The following ARL2 variants were observed in gnomAD, a reference collection of about 807,000 sequenced individuals.
ARL2 encodes the protein ADP-ribosylation factor-like protein 2.
ARL2 carries 11 observed loss-of-function variants against 22.0 expected under a neutral mutation model. The ratio of observed to expected loss-of-function variants is 0.50; its 90% CI spans 0.31 to 0.83. The LOEUF (loss-of-function observed/expected upper bound fraction) is 0.83. Among genes scored for constraint, ARL2 ranks in the 40% least tolerant of loss-of-function variants. The probability of loss-of-function intolerance (pLI) is 0.04; values close to 1 mark genes in which losing one functional copy is unlikely to be tolerated. For missense variants in ARL2, 216 were observed against 243.2 expected (o/e 0.89, Z 0.74); for synonymous variants, 111 against 100.8 (o/e 1.10, Z -0.61).
In ARL2 at chr11:65,014,268, A is replaced by G; in HGVS notation, c.61A>G (p.Met21Val). The change falls in exon 1 of 5, where the codon ATG (methionine) becomes GTG (valine). Residue 21 changes from methionine to valine, a missense_variant. Met to Val is a conservative substitution (Grantham distance 21). Coordinates refer to ENST00000246747, the MANE Select transcript of ARL2 (RefSeq NM_001667.4). ...KQKERELRLLMLGLDNAGKTT... is the reference protein window; with the variant it reads ...KQKERELRLLVLGLDNAGKTT... ...GAAAGAGCGGGAGCTGCGACTGCTC[A>G]TGCTGTATCCTACCGGACGCCGGAA... 1 of 1,565,610 alleles carries G rather than the reference A, an allele frequency of 6.4e-7. No individual in the cohort carries two copies.
At chr11:65,015,543 A>G (rs1044008120) in intron 1 of ARL2, among the ~76,000 whole-genome samples, 1 of 152,104 alleles carries the variant, frequency 6.6e-6, no homozygotes, top group Non-Finnish European at 1.5e-5. Context: ...TCTTACCTTC[A>G]TGGAAATTCT....
intron 1 of ARL2, among the ~76,000 whole-genome samples, chr11:65,017,576 A>T (rs1404717315): frequency 6.6e-6 from 1 of 152,146 alleles, no homozygotes; most frequent in African/African-American, 2.4e-5. Flanking sequence ...GGAAACATGG[A>T]TGATGGCTTG....
intron 4 of ARL2, among the ~76,000 whole-genome samples, chr11:65,021,044 C>T (rs902053542): frequency 3.3e-5 from 5 of 152,206 alleles, no homozygotes; most frequent in African/African-American, 9.6e-5. Flanking sequence ...CACAGGCTAA[C>T]GGTAGCCAGC....
At chr11:65,019,063 G>A in intron 3 of ARL2, 2 of 760,500 alleles carry the variant, frequency 2.6e-6, no homozygotes, top group South Asian at 1.7e-5. Context: ...CCTGGCTCAA[G>A]AGTCTGACTC....
chr11:65,018,851 G>A lies in ARL2; in HGVS notation c.339+118G>A. 1 of 1,542,554 alleles carries A rather than the reference G, an allele frequency of 6.5e-7. No homozygotes were observed. On this transcript the variant is annotated intron_variant, in intron 3 of 4. Coordinates refer to ENST00000246747, the MANE Select transcript of ARL2 (RefSeq NM_001667.4). The surrounding 1 kb of genome is among the most constrained non-coding windows in gnomAD (Gnocchi z 4.2). ...AGAGGCAGGATCCCTTCCTTCTCTGGGCCCCCACCATGGGAGGCCCATGGT... is the reference window on the plus strand; with the variant it reads ...AGAGGCAGGATCCCTTCCTTCTCTGAGCCCCCACCATGGGAGGCCCATGGT...
Position 65,022,135 on chromosome 11 carries a change from G to A in ARL2, c.*280G>A. The stretch of plus-strand genomic sequence containing the variant: ...AGCTGCTACTGCTGCTACCGAGGCT[G>A]TGGGCCTCATCCTTCACTCAGTTGT... On this transcript the variant is annotated 3_prime_UTR_variant, in exon 5 of 5. Transcript: ENST00000246747. 2.1e-6 allele frequency: 1 copy of A among 471,414 alleles called. No individual in the cohort carries two copies. Among genetic ancestry groups the A allele is most frequent in the South Asian group, 2.7e-5 (1 of 36,834 alleles). The allele number at this position is 471,414 out of a possible 1,614,324, so 29.2% of individuals were successfully genotyped here. A position where few individuals can be genotyped will look rare whatever the true frequency, so the allele number is the denominator to read the frequency against.
chr11:65,014,216 C>T lies in ARL2; in HGVS notation c.9C>T (p.Leu3=). 1 of 1,573,686 alleles carries T rather than the reference C, an allele frequency of 6.4e-7. No homozygotes were observed. The highest frequency in any genetic ancestry group is 8.6e-7 in the Non-Finnish European group (1 of 1,163,724). The change falls in exon 1 of 5, where the codon CTC becomes CTT. Residue 3 remains leucine (L), a synonymous_variant. Transcript: ENST00000246747. ...AGGGGGCTCCGGGGACCATGGGGCT[C>T]CTGACCATTCTGAAGAAGATGAAGC... MG[L]LTILKKMKQK... is the part of the protein sequence containing the mutation.
Position 65,018,048 on chromosome 11 carries a change from CT to C in ARL2, c.66-312del, listed in dbSNP as rs147785512. Among the ~76,000 whole-genome samples the C allele has an allele frequency of 0.01, 1,538 of 152,294 alleles. 26 individuals are homozygous for C. The highest frequency in any genetic ancestry group is 0.035 in the African/African-American group (1,468 of 41,544). ...GCTAGCCGGGATCTGGCAGGGCCTTCTTTTCTCATTTGTTTGTACTTTATTG... is the reference window on the plus strand; with the variant it reads ...GCTAGCCGGGATCTGGCAGGGCCTTCTTTCTCATTTGTTTGTACTTTATTG... On this transcript the variant is annotated intron_variant, in intron 1 of 4. Coordinates refer to ENST00000246747, the MANE Select transcript of ARL2 (RefSeq NM_001667.4). This position sits in a 1 kb window ranked among gnomAD's most constrained non-coding sequence, Gnocchi z 4.2.
chr11:65,016,333 C>T (rs904466788), intron 1 of ARL2, among the ~76,000 whole-genome samples: 1 of 150,254 alleles, frequency 6.7e-6, no homozygotes, highest in African/African-American at 2.5e-5. Context: ...GACTAACTGG[C>T]GTGTTCAGAG....
rs952719671 is a variant in ARL2 at position 65,016,817 on chromosome 11, C to T, written c.66-1547C>T. On this transcript the variant is annotated intron_variant, in intron 1 of 4. Coordinates refer to ENST00000246747, the MANE Select transcript of ARL2 (RefSeq NM_001667.4). Reference sequence around the variant, plus strand: ...CTGGATGAGGTCACCCAGGGATGAGCGTGGCCAGAGAAGAGAACCCGGTTG... The same window carrying T: ...CTGGATGAGGTCACCCAGGGATGAGTGTGGCCAGAGAAGAGAACCCGGTTG... Among the ~76,000 whole-genome samples the T allele has an allele frequency of 7.2e-5, 11 of 152,006 alleles. No homozygotes were observed. The South Asian group carries it at 2.1e-3, about 29-fold the overall frequency.
Position 65,018,090 on chromosome 11 carries a change from G to C in ARL2, c.66-274G>C, listed in dbSNP as rs1053945294. Among the ~76,000 whole-genome samples the C allele has an allele frequency of 3.3e-5, 5 of 152,232 alleles. No individual in the cohort carries two copies. Among genetic ancestry groups the C allele is most frequent in the Admixed American group, 1.3e-4 (2 of 15,284 alleles). Reference sequence around the variant, plus strand: ...TACTTTATTGACTGTCTTCCCGCTAGAGTGTAAGCTTCCTAAGGGCAGGGC... The same window carrying C: ...TACTTTATTGACTGTCTTCCCGCTACAGTGTAAGCTTCCTAAGGGCAGGGC... On this transcript the variant is annotated intron_variant, in intron 1 of 4. Transcript: ENST00000246747. This position sits in a 1 kb window ranked among gnomAD's most constrained non-coding sequence, Gnocchi z 4.2.
Position 65,018,942 on chromosome 11 carries a change from C to G in ARL2, c.339+209C>G, listed in dbSNP as rs540686657. 3 of 1,520,602 alleles carry G rather than the reference C, an allele frequency of 2.0e-6. No homozygotes were observed. The Admixed American group carries it at 6.0e-5, about 30-fold the overall frequency. 94.2% of individuals were successfully genotyped at this position (1,520,602 alleles called of 1,614,324 possible). A position where few individuals can be genotyped will look rare whatever the true frequency, so the allele number is the denominator to read the frequency against. On this transcript the variant is annotated intron_variant, in intron 3 of 4. Coordinates refer to ENST00000246747, the MANE Select transcript of ARL2 (RefSeq NM_001667.4). This position sits in a 1 kb window ranked among gnomAD's most constrained non-coding sequence, Gnocchi z 4.2. Reference sequence around the variant, plus strand: ...ACGTCCCTGTGGTGTTACTACGTCACTACCCTGAGCATCAGTTTCTATGCC... The same window carrying G: ...ACGTCCCTGTGGTGTTACTACGTCAGTACCCTGAGCATCAGTTTCTATGCC...
In ARL2 at chr11:65,014,187, C is replaced by G. The variant is rs749136746; in HGVS notation, c.-21C>G. 9 of 1,549,090 alleles carry G rather than the reference C, an allele frequency of 5.8e-6. No individual in the cohort carries two copies. The highest frequency in any genetic ancestry group is 2.6e-5 in the East Asian group (1 of 38,050). ...CCCGGGACTGGGAAGAAACGGCGGCCGGGAGGGGGCTCCGGGGACCATGGG... is the reference window on the plus strand; with the variant it reads ...CCCGGGACTGGGAAGAAACGGCGGCGGGGAGGGGGCTCCGGGGACCATGGG... On this transcript the variant is annotated 5_prime_UTR_variant, in exon 1 of 5. Coordinates refer to ENST00000246747, the MANE Select transcript of ARL2 (RefSeq NM_001667.4).
At position 65,014,250 on chromosome 11, in the gene ARL2, C is replaced by T. The variant is rs1946219806; in HGVS notation, c.43C>T (p.Arg15Trp). Residue 15 changes from arginine to tryptophan, a missense_variant, in exon 1 of 5, where the codon CGG (arginine) becomes TGG (tryptophan). Arg to Trp is a moderately radical substitution (Grantham distance 101). Transcript: ENST00000246747. ...TILKKMKQKE[R>W]ELRLLMLGLD... ...TCTGAAGAAGATGAAGCAGAAAGAG[C>T]GGGAGCTGCGACTGCTCATGCTGTA... is the stretch of plus-strand genomic sequence containing the variant. The T allele has an allele frequency of 1.9e-6, 3 of 1,574,006 alleles. No individual in the cohort carries two copies. Among genetic ancestry groups the T allele is most frequent in the Non-Finnish European group, 2.6e-6 (3 of 1,163,820 alleles).
rs770331127 is a variant in ARL2 at position 65,018,780 on chromosome 11, C to CT, written c.339+49dup. 2 of 1,608,678 alleles carry CT rather than the reference C, an allele frequency of 1.2e-6. No homozygotes were observed. The highest frequency in any genetic ancestry group is 2.2e-5 in the South Asian group (2 of 90,674). ...TGTACATGTATGGACGTGTGGCTGC[C>CT]TTCTCAGCAGATGCCCAGAGGGGCC... On this transcript the variant is annotated intron_variant, in intron 3 of 4. Coordinates refer to ENST00000246747, the MANE Select transcript of ARL2 (RefSeq NM_001667.4). This position sits in a 1 kb window ranked among gnomAD's most constrained non-coding sequence, Gnocchi z 4.2.
chr11:65,020,917 T>C (rs1246250870), intron 4 of ARL2, among the ~76,000 whole-genome samples: 1 of 151,164 alleles, frequency 6.6e-6, no homozygotes, highest in African/African-American at 2.4e-5. Flanking sequence ...AAGAAAAGCA[T>C]TTATTAGCCT....
At chr11:65,017,072 G>C (rs1946265834) in intron 1 of ARL2, among the ~76,000 whole-genome samples, 1 of 152,126 alleles carries the variant, frequency 6.6e-6, no homozygotes, top group South Asian at 2.1e-4. Flanking sequence ...ATGGGAGTGT[G>C]TTCTTGAAAG....
rs532902659 is a variant in ARL2, at chr11:65,021,992, C to T, written c.*137C>T. 1.4e-5 allele frequency: 18 copies of T among 1,302,064 alleles called. No homozygotes were observed. Among genetic ancestry groups the T allele is most frequent in the Admixed American group, 1.1e-4 (5 of 44,490 alleles). 80.7% of individuals were successfully genotyped at this position (1,302,064 alleles called of 1,614,324 possible). ...CCAGCCTGCTGCTGCTACTGCTGCC[C>T]GCTGCTGCTCTGTGGCCACCCGGCT... On this transcript the variant is annotated 3_prime_UTR_variant, in exon 5 of 5. Transcript: ENST00000246747.
intron 1 of ARL2, among the ~76,000 whole-genome samples, chr11:65,016,185 T>G (rs1317514483): frequency 2.4e-5 from 3 of 124,280 alleles, no homozygotes; most frequent in African/African-American, 9.5e-5. Flanking sequence ...CCAGCCTGGG[T>G]GACAAGAGCG....
Sources: allele counts gnomAD v4.1 joint callset (sites outside exome capture counted in the v4.1 genomes callset), GRCh38; gene constraint gnomAD v4.1.1; non-coding constraint Gnocchi (gnomAD v3.1); transcripts MANE v1.5; gene names NCBI Gene and HGNC (gene_info 2026-07-23, HGNC 2026-07-21).